The following UBE2V2 variants were observed in gnomAD, a reference collection of about 807,000 sequenced individuals.
The protein encoded by UBE2V2 is ubiquitin-conjugating enzyme E2 variant 2.
Under a neutral mutation model 17.2 loss-of-function variants are expected in UBE2V2, and 9 were observed. The ratio of observed to expected loss-of-function variants is 0.52; its 90% CI spans 0.32 to 0.91. The LOEUF is 0.91. UBE2V2 is among the 40% of genes least tolerant of loss of function. UBE2V2 has a pLI of 0.04. For missense variants in UBE2V2, 133 were observed against 182.6 expected (o/e 0.73, Z 1.56); for synonymous variants, 61 against 57.5 (o/e 1.06, Z -0.28).
chr8:48,003,785 A>T (rs1166339412), upstream of UBE2V2, among the ~76,000 whole-genome samples: 1 of 152,184 alleles, frequency 6.6e-6, no homozygotes, highest in Non-Finnish European at 1.5e-5. Context: ...GAGAAGTGGG[A>T]TTTCAATTTG....
At position 48,061,896 on chromosome 8, in the gene UBE2V2, A is replaced by T. The variant is rs1802601386; in HGVS notation, c.*1068A>T. ...TATATCCCATTTTTTAAAGCATAAT[A>T]TCTTTTTTAGTTGTTTTTCTGTGAA... On this transcript the variant is annotated 3_prime_UTR_variant, in exon 4 of 4. Coordinates refer to ENST00000523111, the MANE Select transcript of UBE2V2 (RefSeq NM_003350.3). 6.6e-6 allele frequency: 1 copy of T among 152,170 alleles called. No individual in the cohort carries two copies. The highest frequency in any genetic ancestry group is 6.5e-5 in the Admixed American group (1 of 15,270). The allele number at this position is 152,170 out of a possible 1,614,324, so 9.4% of individuals were successfully genotyped here.
At chr8:48,004,522 T>G (rs2154506408), upstream of UBE2V2, among the ~76,000 whole-genome samples, 1 of 150,446 alleles carries the variant, frequency 6.6e-6, no homozygotes, top group Non-Finnish European at 1.5e-5. Flanking sequence ...GTTTTTTTTT[T>G]TTGTTTTGTT....
chr8:48,045,806 C>G (rs1210151914), intron 2 of UBE2V2, among the ~76,000 whole-genome samples: 1 of 152,200 alleles, frequency 6.6e-6, no homozygotes, highest in African/African-American at 2.4e-5. Flanking sequence ...TCACAGCAGG[C>G]ATATTCAGTT....
At chr8:48,006,904 C>T (rs950200819), upstream of UBE2V2, among the ~76,000 whole-genome samples, 1 of 151,846 alleles carries the variant, frequency 6.6e-6, no homozygotes, top group African/African-American at 2.4e-5. Context: ...GAGATGGAGT[C>T]TCGCTCTGTC....
At position 48,061,264 on chromosome 8, in the gene UBE2V2, C is replaced by G. The variant is rs1356746905; in HGVS notation, c.*436C>G. On this transcript the variant is annotated 3_prime_UTR_variant, in exon 4 of 4. Coordinates refer to ENST00000523111, the MANE Select transcript of UBE2V2 (RefSeq NM_003350.3). The stretch of plus-strand genomic sequence containing the variant: ...GTAGCAGGTACAATGAATATTGTCA[C>G]AGATGTGTTAATTTTTGAAGCAATG... The G allele has an allele frequency of 6.6e-6, 1 of 152,478 alleles. No homozygotes were observed. The highest frequency in any genetic ancestry group is 2.4e-5 in the African/African-American group (1 of 41,438). 9.4% of individuals were successfully genotyped at this position (152,478 alleles called of 1,614,324 possible).
chr8:48,005,022 CTT>C (rs111769503), upstream of UBE2V2, among the ~76,000 whole-genome samples: 17 of 138,142 alleles, frequency 1.2e-4, no homozygotes, highest in Non-Finnish European at 1.1e-4. Context: ...ACTTTTTCTC[CTT>C]TTTTTTTTTT....
chr8:48,028,110 C>T (rs1246323453), intron 1 of UBE2V2, among the ~76,000 whole-genome samples: 2 of 152,198 alleles, frequency 1.3e-5, no homozygotes, highest in East Asian at 3.9e-4. Context: ...CCTTGGCCTC[C>T]CAAAGTGCTG....
intron 3 of UBE2V2, among the ~76,000 whole-genome samples, chr8:48,055,966 G>C (rs1229837951): frequency 1.3e-5 from 2 of 152,018 alleles, no homozygotes; most frequent in Non-Finnish European, 2.9e-5. Flanking sequence ...CACTGTGTTA[G>C]CCAGGATGGT....
chr8:48,000,821 CAAAAAAAAAAA>C, the UBE2V2 span, among the ~76,000 whole-genome samples: 2 of 20,530 alleles, frequency 9.7e-5, no homozygotes, highest in African/African-American at 1.6e-4. Context: ...GACTTTGCCT[CAAAAAAAAAAA>C]AAAAAAAAAA....
At chr8:48,036,258 TA>T (rs955336678) in intron 1 of UBE2V2, among the ~76,000 whole-genome samples, 75 of 147,382 alleles carry the variant, frequency 5.1e-4, no homozygotes, top group East Asian at 1.4e-3. Context: ...CCTGGCCAAT[TA>T]AAAAAAAAAA....
chr8:48,056,808 C>T (rs533680867), intron 3 of UBE2V2, among the ~76,000 whole-genome samples: 1 of 152,324 alleles, frequency 6.6e-6, no homozygotes, highest in African/African-American at 2.4e-5. Context: ...ACTGGAACCT[C>T]CACCTCCTGG....
At chr8:48,006,497 G>A (rs967401829), upstream of UBE2V2, among the ~76,000 whole-genome samples, 1 of 151,982 alleles carries the variant, frequency 6.6e-6, no homozygotes, top group Non-Finnish European at 1.5e-5. Context: ...CCTTGGCTAC[G>A]TGGGCTCAAT....
upstream of UBE2V2, among the ~76,000 whole-genome samples, chr8:48,007,534 C>T (rs2091191992): frequency 6.6e-6 from 1 of 151,462 alleles, no homozygotes; most frequent in South Asian, 2.1e-4. Context: ...AATAAAAATA[C>T]CTAGGAATAC....
chr8:48,008,294 G>A (rs1244389339), upstream of UBE2V2: 1 of 830,634 alleles, frequency 1.2e-6, no homozygotes, highest in Non-Finnish European at 1.7e-6. Flanking sequence ...CAGCAGCGAG[G>A]CCCCGCGACC....
chr8:48,024,325 G>A lies in UBE2V2; in HGVS notation c.16+15855G>A, dbSNP rs533324596. Among the ~76,000 whole-genome samples, 8 of 152,232 alleles carry A rather than the reference G, an allele frequency of 5.3e-5. No homozygotes were observed. The South Asian group carries it at 6.2e-4, about 12-fold the overall frequency. On this transcript the variant is annotated intron_variant, in intron 1 of 3. Transcript: ENST00000523111. ...GATTTAAGACTCTTGGCTGGGTATG[G>A]TAGCTCATGCCTGTAATCCCAGCAC...
the UBE2V2 span, among the ~76,000 whole-genome samples, chr8:48,002,754 G>T: frequency 6.6e-6 from 1 of 152,132 alleles, no homozygotes; most frequent in African/African-American, 2.4e-5. Context: ...AATAAATTCA[G>T]ATCTATAGTT....
At chr8:48,031,212 A>G (rs1433391744) in intron 1 of UBE2V2, among the ~76,000 whole-genome samples, 5 of 5,360 alleles carry the variant, frequency 9.3e-4, no homozygotes, top group Non-Finnish European at 1.3e-3. Context: ...CTGTCTCAAA[A>G]CAAACAAACA....
upstream of UBE2V2, chr8:48,008,379 G>A (rs571926989): frequency 1.3e-6 from 2 of 1,537,582 alleles, no homozygotes; most frequent in Non-Finnish European, 1.7e-6. Context: ...GACGCGTGCA[G>A]GGCGGCGCGC....
intron 1 of UBE2V2, among the ~76,000 whole-genome samples, chr8:48,022,743 T>A (rs1289989391): frequency 6.6e-6 from 1 of 152,160 alleles, no homozygotes; most frequent in African/African-American, 2.4e-5. Flanking sequence ...ATCCTTTGTT[T>A]CTGAAGAACA....
Sources: gnomAD v4.1 joint callset for allele counts (sites outside exome capture counted in the v4.1 genomes callset) on GRCh38, gnomAD v4.1.1 for gene constraint, MANE v1.5 for transcripts, NCBI Gene and HGNC (gene_info 2026-07-23, HGNC 2026-07-21) for gene names.